ABCC2: variants seen among roughly 807,000 people sequenced by gnomAD.
ABCC2 encodes ATP binding cassette subfamily C member 2, also known as ATP-binding cassette sub-family C member 2.
Under a neutral mutation model 173.4 loss-of-function variants are expected in ABCC2, and 157 were observed. That is an observed-to-expected ratio of 0.91 (90% CI 0.80 to 1.03). The LOEUF is 1.03. Among genes scored for constraint, ABCC2 ranks in the 50% least tolerant of loss-of-function variants. The pLI is 0.00. For missense variants in ABCC2, 1,822 were observed against 1,852.3 expected, an observed-to-expected ratio of 0.98 and a Z score of 0.30; for synonymous variants, 657 against 693.5, an observed-to-expected ratio of 0.95 and a Z score of 0.83.
chr10:99,802,837 ATTG>A (rs1340881828), intron 9 of ABCC2, among the ~76,000 whole-genome samples: 2 of 152,230 alleles, frequency 1.3e-5, no homozygotes, highest in Non-Finnish European at 1.5e-5. Flanking sequence ...TGTGCAAGGC[ATTG>A]TTGTAAGTGA....
rs753329079 is a variant in ABCC2, at chr10:99,807,382, A to G, written c.1531-2A>G. 1.4e-5 allele frequency: 23 copies of G among 1,613,972 alleles called. No homozygotes were observed. Among genetic ancestry groups the G allele is most frequent in the Non-Finnish European group, 1.9e-5 (23 of 1,179,976 alleles). ...GAGCTGTATTTTTTTTCAACTTATT[A>G]GATCCTGAAATATTTTGCCTGGGAA... On this transcript the variant is annotated splice_acceptor_variant, in intron 11 of 31. Transcript: ENST00000647814. LOFTEE classifies it high-confidence loss of function.
intron 21 of ABCC2, 147 bp downstream of exon 21, chr10:99,830,998 T>C: frequency 1.1e-6 from 1 of 879,872 alleles, no homozygotes; most frequent in Non-Finnish European, 1.8e-6. Context: ...ATTAACCTGT[T>C]AGCAGAGGCT....
At position 99,851,364 on chromosome 10, in the gene ABCC2, T is replaced by C. The variant is rs138342369; in HGVS notation, c.4509-138T>C. On this transcript the variant is annotated intron_variant, in intron 31 of 31. Coordinates refer to ENST00000647814, the MANE Select transcript of ABCC2 (RefSeq NM_000392.5). ...TGCAGAATTCATCCATGTTGATGTG[T>C]GTAGCTGTGGCTCATTGATTTTCAC... 4.6e-4 allele frequency: 414 copies of C among 909,488 alleles called. 1 individual carries two copies. In the African/African-American group the frequency reaches 5.9e-3, roughly 13 times the overall value. The allele number at this position is 909,488 out of a possible 1,614,324, so 56.3% of individuals were successfully genotyped here.
At chr10:99,811,762 G>C (rs931547349) in intron 15 of ABCC2, among the ~76,000 whole-genome samples, 160 bp downstream of exon 15, 1 of 152,176 alleles carries the variant, frequency 6.6e-6, no homozygotes, top group African/African-American at 2.4e-5. Flanking sequence ...TGAGCTGAAA[G>C]CAAAGGTTCT....
chr10:99,817,464 T>C lies in ABCC2; in HGVS notation c.2251T>C (p.Leu751=). The change falls in exon 17 of 32, where the codon TTG becomes CTG. Residue 751 remains leucine, a synonymous_variant. Coordinates refer to ENST00000647814, the MANE Select transcript of ABCC2 (RefSeq NM_000392.5). ...PDLEMLPGGD[L]AEIGEKGINL... ...CTTGGAAATGCTGCCTGGAGGAGAT[T>C]TGGCTGAGATTGGAGAGAAGGTACT... 1.2e-6 allele frequency: 2 copies of C among 1,614,070 alleles called. No homozygotes were observed. Among genetic ancestry groups the C allele is most frequent in the Non-Finnish European group, 1.7e-6 (2 of 1,180,006 alleles).
Position 99,836,086 on chromosome 10 carries a change from T to C in ABCC2, c.3415-5T>C. On this transcript the variant is annotated splice_region_variant and splice_polypyrimidine_tract_variant and intron_variant, in intron 24 of 31. Transcript: ENST00000647814. ...ACTGGCTGATTCTTTACTTTTTGTGTCCAGATGTTTTATGTGTCTACCTCC... is the reference window on the plus strand; with the variant it reads ...ACTGGCTGATTCTTTACTTTTTGTGCCCAGATGTTTTATGTGTCTACCTCC... 1 of 1,612,998 alleles carries C rather than the reference T, an allele frequency of 6.2e-7. No homozygotes were observed. The highest frequency in any genetic ancestry group is 8.5e-7 in the Non-Finnish European group (1 of 1,179,998).
intron 28 of ABCC2, 143 bp downstream of exon 28, chr10:99,844,608 T>TG (rs1284368405): frequency 8.9e-7 from 1 of 1,117,888 alleles, no homozygotes; most frequent in Non-Finnish European, 1.3e-6. Context: ...TGGGGAGGTG[T>TG]GGGGACACAG....
intron 19 of ABCC2, among the ~76,000 whole-genome samples, chr10:99,820,414 C>CACA (rs1358072998): frequency 7.9e-5 from 12 of 151,856 alleles, no homozygotes; most frequent in South Asian, 2.1e-4. Context: ...ACACACAAAA[C>CACA]ACAACAACAA....
chr10:99,810,354 C>T (rs908218919), intron 14 of ABCC2, 136 bp downstream of exon 14: 2 of 728,688 alleles, frequency 2.7e-6, no homozygotes, highest in Admixed American at 2.0e-5. Context: ...GCATAAGATA[C>T]AAACTGTTCT....
At position 99,805,357 on chromosome 10, in the gene ABCC2, T is replaced by G. The variant is rs17216170; in HGVS notation, c.1465-25T>G. 1.0e-4 allele frequency: 167 copies of G among 1,607,282 alleles called. 3 individuals carry two copies. In the East Asian group the frequency reaches 1.1e-3, roughly 10 times the overall value. ...CCTCTCTCATGGAAGCGTATATTGTTTTTCTTTTGCTTTTTTCCTGGCAGG... is the reference window on the plus strand; with the variant it reads ...CCTCTCTCATGGAAGCGTATATTGTGTTTCTTTTGCTTTTTTCCTGGCAGG... On this transcript the variant is annotated intron_variant, in intron 10 of 31. Transcript: ENST00000647814.
At chr10:99,805,485 G>C in intron 11 of ABCC2, 38 bp downstream of exon 11, 1 of 1,595,088 alleles carries the variant, frequency 6.3e-7, no homozygotes, top group Non-Finnish European at 8.6e-7. Context: ...TGTGGGTAAG[G>C]ACAGAAGCAG....
At chr10:99,811,087 T>C (rs1460359644) in intron 14 of ABCC2, among the ~76,000 whole-genome samples, 2 of 151,914 alleles carry the variant, frequency 1.3e-5, no homozygotes, top group East Asian at 3.9e-4. Flanking sequence ...TCCTCACCCT[T>C]TGGGAGGCTG....
At chr10:99,783,743 G>C (rs2037657594) in intron 1 of ABCC2, among the ~76,000 whole-genome samples, 1 of 152,042 alleles carries the variant, frequency 6.6e-6, no homozygotes, top group South Asian at 2.1e-4. Context: ...AAAGGACCTG[G>C]GTCCCAAGAC....
At chr10:99,792,143 C>G in intron 2 of ABCC2, 91 bp from the exon 3 acceptor site, 1 of 1,509,846 alleles carries the variant, frequency 6.6e-7, no homozygotes, top group Non-Finnish European at 9.2e-7. Flanking sequence ...CACTGCATAC[C>G]GCTTTTCCTA....
At position 99,830,295 on chromosome 10, in the gene ABCC2, G is replaced by A. The variant is rs762084130; in HGVS notation, c.2621-12G>A. On this transcript the variant is annotated splice_polypyrimidine_tract_variant and intron_variant, in intron 19 of 31. Transcript: ENST00000647814. ...TGCAGCTCTTTCCCTAACCTCTACT[G>A]TGTCTCCCTAGTCCATGATGGCAGT... 2.5e-6 allele frequency: 4 copies of A among 1,613,934 alleles called. No homozygotes were observed. In the East Asian group the frequency reaches 6.7e-5, roughly 27 times the overall value.
chr10:99,804,699 C>G (rs894498677), intron 10 of ABCC2, among the ~76,000 whole-genome samples: 1 of 152,152 alleles, frequency 6.6e-6, no homozygotes, highest in Non-Finnish European at 1.5e-5. Flanking sequence ...GGGAGGGCTC[C>G]GTGTGGACAG....
intron 2 of ABCC2, among the ~76,000 whole-genome samples, chr10:99,789,742 A>C (rs1162052062): frequency 1.6e-5 from 2 of 128,620 alleles, no homozygotes; most frequent in African/African-American, 6.0e-5. Context: ...AGGAAAAGAA[A>C]AAGAAAGAAA....
rs17222596 is a variant in ABCC2 at position 99,784,733 on chromosome 10, A to G, written c.159A>G (p.Lys53=). 1.9e-3 allele frequency: 3,000 copies of G among 1,614,110 alleles called. 16 individuals are homozygous for G. In the Middle Eastern group the frequency reaches 0.045, roughly 24 times the overall value. The change falls in exon 2 of 32, where the codon AAA becomes AAG. Residue 53 remains lysine, a synonymous_variant. Coordinates refer to ENST00000647814, the MANE Select transcript of ABCC2 (RefSeq NM_000392.5). Reference sequence around the variant, plus strand: ...CCTGGCAGCTTCTCCACGTGTATAAATCCAGGACCAAGAGATCCTCTACCA... The same window carrying G: ...CCTGGCAGCTTCTCCACGTGTATAAGTCCAGGACCAAGAGATCCTCTACCA... ...LAPWQLLHVY[K]SRTKRSSTTK...
At chr10:99,790,276 T>C (rs1039945467) in intron 2 of ABCC2, among the ~76,000 whole-genome samples, 3 of 152,246 alleles carry the variant, frequency 2.0e-5, no homozygotes, top group Admixed American at 2.0e-4. Flanking sequence ...AAATTATATA[T>C]ACTTTCAAAT....
Sources: gnomAD v4.1 joint callset for allele counts (sites outside exome capture counted in the v4.1 genomes callset) on GRCh38, gnomAD v4.1.1 for gene constraint, MANE v1.5 for transcripts, NCBI Gene and HGNC (gene_info 2026-07-23, HGNC 2026-07-21) for gene names.